The following DCLK2 variants were observed in gnomAD, a reference collection of about 807,000 sequenced individuals.
DCLK2 encodes the protein doublecortin like kinase 2.
A neutral mutation model predicts 78.4 loss-of-function variants in DCLK2; 31 were observed. The ratio of observed to expected loss-of-function variants is 0.40; its 90% CI spans 0.30 to 0.53. The LOEUF (loss-of-function observed/expected upper bound fraction) is 0.53, where lower values mean the gene tolerates loss of function less well. Ranked by LOEUF, DCLK2 falls within the 20% of genes least tolerant of loss-of-function variation. The pLI is 0.61. For synonymous variants in DCLK2, 407 were observed against 374.9 expected (o/e 1.09, Z -0.99); for missense variants, 872 against 973.7 (o/e 0.90, Z 1.39).
At chr4:150,175,117 T>TATATATTTATATATATTTATATATTTATA (rs1491141894) in intron 2 of DCLK2, among the ~76,000 whole-genome samples, 1 of 69,416 alleles carries the variant, frequency 1.4e-5, no homozygotes, top group African/African-American at 8.3e-5. Flanking sequence ...TATATTTATA[T>TATATATTTATATATATTTATATATTTATA]TTTTTATATA....
intron 2 of DCLK2, among the ~76,000 whole-genome samples, chr4:150,145,805 T>C (rs1241352026): frequency 6.6e-6 from 1 of 152,218 alleles, no homozygotes; most frequent in Non-Finnish European, 1.5e-5. Context: ...TCCTGATCTT[T>C]TTGGCTGCAA....
intron 2 of DCLK2, among the ~76,000 whole-genome samples, chr4:150,170,038 G>A (rs1000449898): frequency 6.6e-6 from 1 of 152,142 alleles, no homozygotes; most frequent in Non-Finnish European, 1.5e-5. Context: ...CTAGATGCAA[G>A]TAGTTTTTAA....
chr4:150,251,789 A>C lies in DCLK2; in HGVS notation c.2073+2105A>C, dbSNP rs1174351349. On this transcript the variant is annotated intron_variant, in intron 15 of 15. Transcript: ENST00000296550. Reference sequence around the variant, plus strand: ...CCCACACACCCCACGAGCATGCAGCACTCTGTTATATGGATTGAGCGTCCA... The same window carrying C: ...CCCACACACCCCACGAGCATGCAGCCCTCTGTTATATGGATTGAGCGTCCA... Among the ~76,000 whole-genome samples the C allele has an allele frequency of 8.7e-5, 11 of 126,382 alleles. 1 individual carries two copies. The highest frequency in any genetic ancestry group is 1.6e-4 in the Non-Finnish European group (10 of 62,710). 82.9% of individuals were successfully genotyped at this position (126,382 alleles called of 152,430 possible). A position where few individuals can be genotyped will look rare whatever the true frequency, so the allele number is the denominator to read the frequency against.
intron 1 of DCLK2, among the ~76,000 whole-genome samples, chr4:150,081,801 G>A (rs1729310209): frequency 6.7e-6 from 1 of 148,360 alleles, no homozygotes; most frequent in African/African-American, 2.5e-5. Context: ...AGACCAGCCT[G>A]ACAAACAAGG....
chr4:150,119,087 C>T (rs543659206), intron 2 of DCLK2, among the ~76,000 whole-genome samples: 81 of 151,928 alleles, frequency 5.3e-4, no homozygotes, highest in African/African-American at 1.9e-3. Context: ...AATGCAGTTA[C>T]ATACATTTGT....
rs1741126800 is a variant in DCLK2, at chr4:150,220,753, G to A, written c.1107G>A (p.Glu369=). ...RSSSNVNGGP[E]LDRCISPEGV... ...CTTCCAATGTAAACGGTGGACCTGA[G>A]CTTGACCGTTGCATAAGTCCTGAAG... Residue 369 remains glutamate, a synonymous_variant, in exon 6 of 16, where the codon GAG becomes GAA. Transcript: ENST00000296550. The A allele has an allele frequency of 1.9e-6, 3 of 1,613,836 alleles. No individual in the cohort carries two copies. Among genetic ancestry groups the A allele is most frequent in the Middle Eastern group, 1.6e-4 (1 of 6,084 alleles).
intron 2 of DCLK2, among the ~76,000 whole-genome samples, chr4:150,158,618 A>G (rs377471507): frequency 1.3e-5 from 2 of 152,228 alleles, no homozygotes; most frequent in East Asian, 1.9e-4. Context: ...TCTCGAAGGA[A>G]TTCTTCAATA....
At position 150,256,403 on chromosome 4, in the gene DCLK2, T is replaced by G. The variant is rs1744574497; in HGVS notation, c.*156T>G. ...GCCGCCTGGGAACCGGAGCCTGGCGTGCCGGAGCCTGGCCTGGTGCTCTGG... is the reference window on the plus strand; with the variant it reads ...GCCGCCTGGGAACCGGAGCCTGGCGGGCCGGAGCCTGGCCTGGTGCTCTGG... On this transcript the variant is annotated 3_prime_UTR_variant, in exon 16 of 16. Coordinates refer to ENST00000296550, the MANE Select transcript of DCLK2 (RefSeq NM_001040260.4). 13 of 1,022,060 alleles carry G rather than the reference T, an allele frequency of 1.3e-5. No individual in the cohort carries two copies. In the South Asian group the frequency reaches 2.1e-4, roughly 17 times the overall value. The allele number at this position is 1,022,060 out of a possible 1,614,324, so 63.3% of individuals were successfully genotyped here.
At chr4:150,120,092 A>T (rs1403834804) in intron 2 of DCLK2, among the ~76,000 whole-genome samples, 1 of 152,212 alleles carries the variant, frequency 6.6e-6, no homozygotes, top group Non-Finnish European at 1.5e-5. Flanking sequence ...ATTTTATTAC[A>T]TTTAATGAAA....
In DCLK2 at chr4:150,188,204, C is replaced by T. The variant is rs184758114; in HGVS notation, c.757-4934C>T. Among the ~76,000 whole-genome samples the T allele has an allele frequency of 3.5e-3, 537 of 152,208 alleles. 3 individuals carry two copies. The highest frequency in any genetic ancestry group is 6.8e-3 in the Middle Eastern group (2 of 294). On this transcript the variant is annotated intron_variant, in intron 2 of 15. Transcript: ENST00000296550. ...GTTGAAAAATTGTGCCCAGGTGTGGCGGCTAACATTTGTCATCCCAACACT... is the reference window on the plus strand; with the variant it reads ...GTTGAAAAATTGTGCCCAGGTGTGGTGGCTAACATTTGTCATCCCAACACT...
intron 2 of DCLK2, among the ~76,000 whole-genome samples, chr4:150,171,978 ATGT>A (rs1456616559): frequency 6.6e-6 from 1 of 152,276 alleles, no homozygotes; most frequent in Admixed American, 6.5e-5. Context: ...TGACTTAATA[ATGT>A]TGTTAAATTA....
At chr4:150,164,265 A>G (rs1735908230) in intron 2 of DCLK2, among the ~76,000 whole-genome samples, 1 of 152,226 alleles carries the variant, frequency 6.6e-6, no homozygotes, top group African/African-American at 2.4e-5. Context: ...GCCTGGCCCC[A>G]TGCCCCAGAG....
intron 1 of DCLK2, among the ~76,000 whole-genome samples, chr4:150,088,600 T>TAG (rs1185814386): frequency 6.6e-6 from 1 of 152,110 alleles, no homozygotes; most frequent in Non-Finnish European, 1.5e-5. Context: ...ATTACACCCT[T>TAG]CAGATGTTTT....
At chr4:150,220,652 C>A in intron 5 of DCLK2, 51 bp from the exon 6 acceptor site, 2 of 1,474,212 alleles carry the variant, frequency 1.4e-6, no homozygotes, top group South Asian at 1.2e-5. Context: ...GATTAGTTAG[C>A]TAGGGATTTG....
At chr4:150,187,133 CT>C (rs1738017248) in intron 2 of DCLK2, among the ~76,000 whole-genome samples, 1 of 152,060 alleles carries the variant, frequency 6.6e-6, no homozygotes. Context: ...CATTGCTTTG[CT>C]TTAAGTCAAA....
intron 2 of DCLK2, among the ~76,000 whole-genome samples, chr4:150,192,865 A>T (rs572263623): frequency 1.3e-5 from 2 of 152,262 alleles, no homozygotes; most frequent in South Asian, 4.2e-4. Context: ...CTGGGGGAAA[A>T]ATCACGTACC....
Position 150,220,471 on chromosome 4 carries a change from C to CA in DCLK2, c.1057-225dup, listed in dbSNP as rs531741213. 3.5e-3 allele frequency among the ~76,000 whole-genome samples: 529 copies of CA among 151,748 alleles called. 4 individuals are homozygous for CA. Among genetic ancestry groups the CA allele is most frequent in the African/African-American group, 0.012 (498 of 41,416 alleles). On this transcript the variant is annotated intron_variant, in intron 5 of 15. Transcript: ENST00000296550. ...ATGGAAGTAAAAAATAACATAATTT[C>CA]AAAAAAAGGTAACTGATGATTTTTC...
At chr4:150,247,794 A>G (rs1743446262) in intron 13 of DCLK2, 95 bp downstream of exon 13, 9 of 964,852 alleles carry the variant, frequency 9.3e-6, no homozygotes, top group Non-Finnish European at 1.4e-5. Context: ...GCATTCCAGA[A>G]AGCTCCTTGG....
chr4:150,132,736 G>A (rs531795533), intron 2 of DCLK2, among the ~76,000 whole-genome samples: 39 of 152,228 alleles, frequency 2.6e-4, no homozygotes, highest in African/African-American at 9.2e-4. Context: ...GGGACTATAG[G>A]CACATGCTAC....
Sources: gnomAD v4.1 joint callset for allele counts (sites outside exome capture counted in the v4.1 genomes callset) on GRCh38, gnomAD v4.1.1 for gene constraint, MANE v1.5 for transcripts, NCBI Gene and HGNC (gene_info 2026-07-23, HGNC 2026-07-21) for gene names.